Variants in RORA observed in about 807,000 individuals in gnomAD.
The protein encoded by RORA is RAR related orphan receptor A, also known as nuclear receptor ROR-alpha.
A neutral mutation model predicts 69.5 loss-of-function variants in RORA; 7 were observed. The ratio of observed to expected loss-of-function variants is 0.10; its 90% confidence interval spans 0.06 to 0.19. The LOEUF is 0.19. Among genes scored for constraint, RORA ranks in the 10% least tolerant of loss-of-function variants. The pLI, the probability that RORA is intolerant of heterozygous loss-of-function variation, is 1.00. For missense variants in RORA, 457 were observed against 663.0 expected, an observed-to-expected ratio of 0.69 and a Z score of 3.41; for synonymous variants, 261 against 240.8, an observed-to-expected ratio of 1.08 and a Z score of -0.78.
intron 2 of RORA, among the ~76,000 whole-genome samples, chr15:60,553,179 T>C (rs887145896): frequency 2.0e-5 from 3 of 152,226 alleles, no homozygotes; most frequent in African/African-American, 7.2e-5. Flanking sequence ...TCCCAGATAA[T>C]ACTCAATAAT....
chr15:60,624,408 G>A (rs1482871255), intron 2 of RORA, among the ~76,000 whole-genome samples: 1 of 141,104 alleles, frequency 7.1e-6, no homozygotes, highest in Non-Finnish European at 1.5e-5. Context: ...CCAGGGACAC[G>A]ACCCGCTGAT....
chr15:60,802,870 TTCTGGGTTCTG>T (rs1370811647), intron 1 of RORA, among the ~76,000 whole-genome samples: 2 of 152,210 alleles, frequency 1.3e-5, no homozygotes, highest in Admixed American at 6.5e-5. Flanking sequence ...GGAGGTTTCA[TTCTGGGTTCTG>T]TGTTCCAGAA....
Position 61,226,717 on chromosome 15 carries a change from A to G in RORA, c.166+2336T>C, listed in dbSNP as rs1237108762. ...TTACTACTGCTGTGTTAGCTAAAGG[A>G]TGCCTCCATCTCTGACCTTCCTTTT... On this transcript the variant is annotated intron_variant, in intron 1 of 10. Coordinates refer to ENST00000335670, the MANE Select transcript of RORA (RefSeq NM_134261.3). This position sits in a 1 kb window ranked among gnomAD's most constrained non-coding sequence, Gnocchi z 4.2. Among the ~76,000 whole-genome samples, 2 of 152,236 alleles carry G rather than the reference A, an allele frequency of 1.3e-5. No homozygotes were observed. Among genetic ancestry groups the G allele is most frequent in the African/African-American group, 4.8e-5 (2 of 41,474 alleles).
At chr15:61,032,848 A>C (rs1281452897) in intron 1 of RORA, among the ~76,000 whole-genome samples, 2 of 152,214 alleles carry the variant, frequency 1.3e-5, no homozygotes, top group Non-Finnish European at 2.9e-5. Flanking sequence ...TAATAAAATA[A>C]GGAATCCTTT....
chr15:60,880,274 C>A (rs1446015839), intron 1 of RORA, among the ~76,000 whole-genome samples: 1 of 152,208 alleles, frequency 6.6e-6, no homozygotes, highest in Non-Finnish European at 1.5e-5. Flanking sequence ...TTCACTCTAT[C>A]TTACTTTTGG....
intron 2 of RORA, among the ~76,000 whole-genome samples, chr15:60,589,108 C>A (rs542665093): frequency 4.6e-5 from 7 of 152,292 alleles, no homozygotes; most frequent in Admixed American, 2.6e-4. Context: ...CCAATCCTTC[C>A]CATCACAAGT....
At chr15:60,835,358 C>G (rs1158819254) in intron 1 of RORA, among the ~76,000 whole-genome samples, 1 of 152,184 alleles carries the variant, frequency 6.6e-6, no homozygotes, top group African/African-American at 2.4e-5. Flanking sequence ...TGCTGGTGTT[C>G]TATCAGTCAA....
chr15:61,026,448 G>A (rs991391913), intron 1 of RORA, among the ~76,000 whole-genome samples: 1 of 152,190 alleles, frequency 6.6e-6, no homozygotes, highest in Non-Finnish European at 1.5e-5. Context: ...ATGAAAATGT[G>A]TTTAAACTTT....
intron 1 of RORA, among the ~76,000 whole-genome samples, chr15:60,752,635 C>G (rs1324014773): frequency 2.7e-5 from 4 of 149,602 alleles, no homozygotes; most frequent in Non-Finnish European, 5.9e-5. Flanking sequence ...CCACCCGCCT[C>G]GAGTTTATTT....
intron 1 of RORA, among the ~76,000 whole-genome samples, chr15:61,075,504 G>A (rs1360421972): frequency 2.6e-5 from 4 of 152,098 alleles, no homozygotes; most frequent in African/African-American, 9.7e-5. Context: ...TCATTGGTAG[G>A]GCACCTTCAG....
intron 1 of RORA, among the ~76,000 whole-genome samples, chr15:61,106,909 C>T (rs527467115): frequency 1.3e-5 from 2 of 152,304 alleles, no homozygotes; most frequent in South Asian, 2.1e-4. Context: ...TTATGGAACA[C>T]GTGCTATGTG....
chr15:60,653,059 T>C (rs1027945739), intron 2 of RORA, among the ~76,000 whole-genome samples: 1 of 152,226 alleles, frequency 6.6e-6, no homozygotes, highest in South Asian at 2.1e-4. Flanking sequence ...TGAGTGACAC[T>C]GGATTTTTTA....
intron 1 of RORA, among the ~76,000 whole-genome samples, chr15:60,684,431 T>C (rs548519199): frequency 1.1e-4 from 17 of 152,158 alleles, no homozygotes; most frequent in African/African-American, 3.6e-4. Context: ...CTGGCCAACA[T>C]AGTGAAACCC....
intron 2 of RORA, among the ~76,000 whole-genome samples, chr15:60,567,386 TTTA>T (rs1030542207): frequency 2.3e-4 from 35 of 151,122 alleles, no homozygotes; most frequent in Non-Finnish European, 4.4e-4. Context: ...GATGCCCTCT[TTTA>T]TTATCATTAT....
chr15:60,576,721 G>C (rs1045424579), intron 2 of RORA, among the ~76,000 whole-genome samples: 2 of 152,200 alleles, frequency 1.3e-5, no homozygotes, highest in Non-Finnish European at 2.9e-5. Flanking sequence ...GGTCTGAGGG[G>C]GAGTGAATGG....
At position 61,112,823 on chromosome 15, in the gene RORA, CG is replaced by C. The variant is rs997460794; in HGVS notation, c.166+116229del. On this transcript the variant is annotated intron_variant, in intron 1 of 10. Transcript: ENST00000335670. ...AATGGGCTTCAAGAGCACAGGCAGA[CG>C]GGAGTCAGATGCCGTTCAGGGACAG... 2.0e-5 allele frequency among the ~76,000 whole-genome samples: 3 copies of C among 152,250 alleles called. No homozygotes were observed. In the East Asian group the frequency reaches 5.8e-4, roughly 29 times the overall value.
At chr15:61,006,296 G>A (rs1359795246) in intron 1 of RORA, among the ~76,000 whole-genome samples, 1 of 151,924 alleles carries the variant, frequency 6.6e-6, no homozygotes, top group African/African-American at 2.4e-5. Context: ...GTTTTGTGCT[G>A]TGTGTTTCAT....
intron 1 of RORA, among the ~76,000 whole-genome samples, chr15:61,012,657 C>CTTT (rs34216558): frequency 6.7e-6 from 1 of 150,276 alleles, no homozygotes. Flanking sequence ...CAAGTTATCA[C>CTTT]TTTTTTTTTT....
chr15:61,024,317 C>T (rs1045016648), intron 1 of RORA, among the ~76,000 whole-genome samples: 1 of 119,230 alleles, frequency 8.4e-6, no homozygotes, highest in Admixed American at 1.2e-4. Flanking sequence ...TGCTCTGGTG[C>T]CAAGTGCCCA....
Sources: allele counts gnomAD v4.1 joint callset (sites outside exome capture counted in the v4.1 genomes callset), GRCh38; gene constraint gnomAD v4.1.1; non-coding constraint Gnocchi (gnomAD v3.1); transcripts MANE v1.5; gene names NCBI Gene and HGNC (gene_info 2026-07-23, HGNC 2026-07-21).